The following KDM5B variants were observed in gnomAD, a reference collection of about 807,000 sequenced individuals.
KDM5B encodes the protein lysine-specific demethylase 5B.
KDM5B carries 144 observed loss-of-function variants against 193.4 expected under a neutral mutation model. That is an observed-to-expected ratio of 0.74 (90% confidence interval 0.65 to 0.86). KDM5B has a LOEUF of 0.86. Among genes scored for constraint, KDM5B ranks in the 40% least tolerant of loss-of-function variants. The pLI is 0.00. For missense variants in KDM5B, 1,833 were observed against 1,886.9 expected, an observed-to-expected ratio of 0.97 and a Z score of 0.53; for synonymous variants, 668 against 682.6, an observed-to-expected ratio of 0.98 and a Z score of 0.33.
chr1:202,731,283 GTATT>G (rs1654875089), intron 24 of KDM5B, among the ~76,000 whole-genome samples: 1 of 152,192 alleles, frequency 6.6e-6, no homozygotes, highest in African/African-American at 2.4e-5. Flanking sequence ...CTGATTACTA[GTATT>G]AATTATACAC....
In KDM5B at chr1:202,741,581, G is replaced by A. The variant is rs762275440; in HGVS notation, c.2731C>T (p.Arg911Cys). 10 of 1,614,224 alleles carry A rather than the reference G, an allele frequency of 6.2e-6. No homozygotes were observed. Among genetic ancestry groups the A allele is most frequent in the Non-Finnish European group, 8.5e-6 (10 of 1,180,032 alleles). The change falls in exon 19 of 27, where the codon CGT becomes TGT. Residue 911 changes from arginine to cysteine, a missense_variant. Arg to Cys is a radical substitution (Grantham distance 180). Around this residue, in one of 3 missense-constraint regions of KDM5B, gnomAD observed 1,379 missense variants for 1,349.6 expected, o/e 1.02. Transcript: ENST00000367265. ...CAACGGGCTTGTTCCAAACGGATACGCATCTCAGCAAGCTGTGGAAGTTCA... is the reference window on the plus strand; with the variant it reads ...CAACGGGCTTGTTCCAAACGGATACACATCTCAGCAAGCTGTGGAAGTTCA... Reference protein sequence around the residue: ...DVELPQLAEMRIRLEQARWLE... With the variant: ...DVELPQLAEMCIRLEQARWLE...
Position 202,731,913 on chromosome 1 carries a change from T to A in KDM5B, c.3936A>T (p.Ser1312=). ...TGTCCCAGTCATCAGGCAAAGAAAATGATGTTGTGCCAGGAGGTTGAGATA... is the reference window on the plus strand; with the variant it reads ...TGTCCCAGTCATCAGGCAAAGAAAAAGATGTTGTGCCAGGAGGTTGAGATA... ...NKVSQPPGTT[S]FSLPDDWDNR... Residue 1312 remains serine (S), a synonymous_variant, in exon 24 of 27, where the codon TCA becomes TCT. Transcript: ENST00000367265. 1 of 1,612,928 alleles carries A rather than the reference T, an allele frequency of 6.2e-7. No homozygotes were observed. The highest frequency in any genetic ancestry group is 8.5e-7 in the Non-Finnish European group (1 of 1,179,630).
chr1:202,732,055 A>C (rs577077747), intron 23 of KDM5B, 116 bp from the exon 24 acceptor site: 159 of 661,956 alleles, frequency 2.4e-4, no homozygotes, highest in Middle Eastern at 7.2e-4. Context: ...AAAAAAAAAA[A>C]AACAACTTGA....
At chr1:202,734,708 G>A (rs1285796089) in intron 22 of KDM5B, among the ~76,000 whole-genome samples, 1 of 152,174 alleles carries the variant, frequency 6.6e-6, no homozygotes, top group East Asian at 1.9e-4. Context: ...CTGAATATAC[G>A]AATATACACT....
At chr1:202,730,077 C>G (rs1654826486) in intron 25 of KDM5B, 50 bp from the exon 26 acceptor site, 3 of 1,439,468 alleles carry the variant, frequency 2.1e-6, no homozygotes, top group African/African-American at 2.9e-5. Context: ...TCACCTATTA[C>G]TAAAACTAAT....
Position 202,733,703 on chromosome 1 carries a change from A to G in KDM5B, c.3607T>C (p.Cys1203Arg). Residue 1203 changes from cysteine (C) to arginine (R), a missense_variant, in exon 23 of 27, where the codon TGT (cysteine) becomes CGT (arginine). Around this residue, in one of 3 missense-constraint regions of KDM5B, gnomAD observed 1,379 missense variants for 1,349.6 expected, o/e 1.02. Transcript: ENST00000367265. ...ELCRDAFHTSCVAVPSISQGL... is the reference protein window; with the variant it reads ...ELCRDAFHTSRVAVPSISQGL... ...TGTGAAATACTGGGTACCGCCACACAACTGGTGTGGAAAGCATCCCTGCAG... is the reference window on the plus strand; with the variant it reads ...TGTGAAATACTGGGTACCGCCACACGACTGGTGTGGAAAGCATCCCTGCAG... 6.2e-7 allele frequency: 1 copy of G among 1,614,074 alleles called. No individual in the cohort carries two copies. Among genetic ancestry groups the G allele is most frequent in the Non-Finnish European group, 8.5e-7 (1 of 1,179,962 alleles).
chr1:202,735,922 C>T (rs537813268), intron 21 of KDM5B, among the ~76,000 whole-genome samples: 2 of 152,324 alleles, frequency 1.3e-5, no homozygotes, highest in African/African-American at 2.4e-5. Flanking sequence ...ATCAGGCTTA[C>T]TAAATTCAGG....
At chr1:202,752,255 G>C (rs984895190) in intron 12 of KDM5B, among the ~76,000 whole-genome samples, 1 of 152,166 alleles carries the variant, frequency 6.6e-6, no homozygotes, top group Non-Finnish European at 1.5e-5. Context: ...TGATCTGTAA[G>C]ATTATAATAC....
chr1:202,808,404 A>G lies in KDM5B; in HGVS notation c.-99T>C, dbSNP rs1375081717. 7 of 1,116,816 alleles carry G rather than the reference A, an allele frequency of 6.3e-6. No individual in the cohort carries two copies. In the East Asian group the frequency reaches 1.0e-4, roughly 16 times the overall value. The allele number at this position is 1,116,816 out of a possible 1,614,324, so 69.2% of individuals were successfully genotyped here. On this transcript the variant is annotated 5_prime_UTR_variant, in exon 1 of 27. Coordinates refer to ENST00000367265, the MANE Select transcript of KDM5B (RefSeq NM_006618.5). ...CCCGTGCAGACGCGGCTCGAGCAAC[A>G]GCAAGTCCGAGTTGTACGGGCAACG... is the stretch of plus-strand genomic sequence containing the variant.
chr1:202,740,446 C>T lies in KDM5B; in HGVS notation c.3084+228G>A, dbSNP rs868083032. Among the ~76,000 whole-genome samples, 8 of 123,566 alleles carry T rather than the reference C, an allele frequency of 6.5e-5. 1 individual carries two copies. Among genetic ancestry groups the T allele is most frequent in the Non-Finnish European group, 1.3e-4 (7 of 55,216 alleles). 81.1% of individuals were successfully genotyped at this position (123,566 alleles called of 152,430 possible). A position where few individuals can be genotyped will look rare whatever the true frequency, so the allele number is the denominator to read the frequency against. ...CTCCCTCCCGGACGGGGCGGCTGGC[C>T]GGGCGGGGGGCTGACCCCCTCACCT... On this transcript the variant is annotated intron_variant, in intron 20 of 26. Transcript: ENST00000367265.
rs778358293 is a variant in KDM5B, at chr1:202,740,643, A to G, written c.3084+31T>C. The G allele has an allele frequency of 1.3e-5, 21 of 1,591,322 alleles. No homozygotes were observed. In the East Asian group the frequency reaches 3.4e-4, roughly 26 times the overall value. ...AATATTGCTCTTTATGGATGCACTT[A>G]CACATTCTGTATATACTTTTTAAAA... On this transcript the variant is annotated intron_variant, in intron 20 of 26. Transcript: ENST00000367265.
chr1:202,798,623 G>C (rs1312211483), intron 1 of KDM5B, among the ~76,000 whole-genome samples: 1 of 152,108 alleles, frequency 6.6e-6, no homozygotes, highest in Admixed American at 6.5e-5. Context: ...CAACTAAATG[G>C]GGGGCTGAGG....
chr1:202,789,637 A>T (rs1421302220), intron 1 of KDM5B, among the ~76,000 whole-genome samples: 2 of 150,538 alleles, frequency 1.3e-5, no homozygotes, highest in Non-Finnish European at 3.0e-5. Flanking sequence ...GAATTAAGAC[A>T]AATTCAAGAC....
In KDM5B at chr1:202,741,559, CGG is replaced by C; in HGVS notation, c.2751_2752del (p.Arg918LeufsTer19). On this transcript the variant is annotated frameshift_variant, in exon 19 of 27. Coordinates refer to ENST00000367265, the MANE Select transcript of KDM5B (RefSeq NM_006618.5). LOFTEE classifies it high-confidence loss of function. ...AGCTTGCTGCACCTCTTCTAGCCAA[CGG>C]GCTTGTTCCAAACGGATACGCATCT... 6.2e-7 allele frequency: 1 copy of C among 1,614,226 alleles called. No individual in the cohort carries two copies. The highest frequency in any genetic ancestry group is 8.5e-7 in the Non-Finnish European group (1 of 1,180,042).
intron 1 of KDM5B, among the ~76,000 whole-genome samples, chr1:202,793,002 CAAAAA>C (rs35356889): frequency 8.9e-6 from 1 of 111,936 alleles, no homozygotes; most frequent in Non-Finnish European, 1.8e-5. Context: ...GACTCCCTCT[CAAAAA>C]AAAAAAAAAA....
At chr1:202,805,193 T>C (rs1217458560) in intron 1 of KDM5B, among the ~76,000 whole-genome samples, 1 of 152,216 alleles carries the variant, frequency 6.6e-6, no homozygotes, top group African/African-American at 2.4e-5. Context: ...AAGAAGGTTT[T>C]GGTCCAGAAA....
At chr1:202,766,542 A>C in intron 5 of KDM5B, 2 of 434,038 alleles carry the variant, frequency 4.6e-6, no homozygotes, top group East Asian at 7.2e-5. Context: ...AAGTGGCTTT[A>C]ACTGTCTTCT....
In KDM5B at chr1:202,755,396, G is replaced by A. The variant is rs748362320; in HGVS notation, c.1413C>T (p.Val471=). The change falls in exon 11 of 27, where the codon GTC becomes GTT. Residue 471 remains valine (V), a synonymous_variant. Coordinates refer to ENST00000367265, the MANE Select transcript of KDM5B (RefSeq NM_006618.5). The part of the protein sequence containing the change: ...LNNMPVMEQS[V]LAHITADICG... ...ATATATCAGCAGTAATATGTGCAAG[G>A]ACAGACTGCTCCATCACTGGCATGT... 1.9e-6 allele frequency: 3 copies of A among 1,613,810 alleles called. No homozygotes were observed. The highest frequency in any genetic ancestry group is 2.2e-5 in the South Asian group (2 of 91,078).
intron 1 of KDM5B, among the ~76,000 whole-genome samples, chr1:202,779,685 C>T (rs911765988): frequency 6.6e-6 from 1 of 151,784 alleles, no homozygotes; most frequent in African/African-American, 2.4e-5. Flanking sequence ...TGCCTGTAGT[C>T]CCAGCTACTC....
Sources: gnomAD v4.1 joint callset for allele counts (sites outside exome capture counted in the v4.1 genomes callset) on GRCh38, gnomAD v4.1.1 for gene constraint, gnomAD v4.1.1 regional missense constraint, MANE v1.5 for transcripts, NCBI Gene and HGNC (gene_info 2026-07-23, HGNC 2026-07-21) for gene names.